GSX2: variants seen among roughly 807,000 people sequenced by gnomAD.
GSX2 encodes the protein genetic-screened homeobox 2.
Under a neutral mutation model 19.2 loss-of-function variants are expected in GSX2, and 16 were observed. The observed-to-expected ratio is 0.84, with a 90% confidence interval of 0.57 to 1.27. GSX2 has a LOEUF of 1.27. Ranked by LOEUF, GSX2 falls within the 50% of genes most tolerant of loss-of-function variation. The pLI, the probability that GSX2 is intolerant of heterozygous loss-of-function variation, is 0.00. For missense variants in GSX2, 448 were observed against 428.4 expected (o/e 1.05, Z -0.40); for synonymous variants, 217 against 196.4 (o/e 1.10, Z -0.88).
chr4:54,101,004 C>G lies in GSX2; in HGVS notation c.574+86C>G. 1 of 1,181,346 alleles carries G rather than the reference C, an allele frequency of 8.5e-7. No individual in the cohort carries two copies. Among genetic ancestry groups the G allele is most frequent in the Middle Eastern group, 2.2e-4 (1 of 4,594 alleles). 73.2% of individuals were successfully genotyped at this position (1,181,346 alleles called of 1,614,324 possible). A position where few individuals can be genotyped will look rare whatever the true frequency, so the allele number is the denominator to read the frequency against. On this transcript the variant is annotated intron_variant, in intron 1 of 1. Coordinates refer to ENST00000326902, the MANE Select transcript of GSX2 (RefSeq NM_133267.3). This position sits in a 1 kb window ranked among gnomAD's most constrained non-coding sequence, Gnocchi z 5.0. ...CCACCTCCAGTGGAGGAAGTGGGAG[C>G]CCGGGGACAGGGTGAAGAGAGAGGA... is the stretch of plus-strand genomic sequence containing the variant.
Position 54,102,206 on chromosome 4 carries a change from T to G in GSX2, c.*284T>G. ...ATAACAGAGGAAAAACAGGGTTGGT[T>G]TAAGTTTAACACTGTATGGGGTTTT... On this transcript the variant is annotated 3_prime_UTR_variant, in exon 2 of 2. Transcript: ENST00000326902. The G allele has an allele frequency of 2.5e-6, 1 of 398,374 alleles. No individual in the cohort carries two copies. The highest frequency in any genetic ancestry group is 4.5e-6 in the Non-Finnish European group (1 of 221,720). The allele number at this position is 398,374 out of a possible 1,614,324, so 24.7% of individuals were successfully genotyped here. A position where few individuals can be genotyped will look rare whatever the true frequency, so the allele number is the denominator to read the frequency against.
chr4:54,100,261 C>A lies in GSX2; in HGVS notation c.-84C>A. 1 of 1,559,426 alleles carries A rather than the reference C, an allele frequency of 6.4e-7. No homozygotes were observed. Among genetic ancestry groups the A allele is most frequent in the Non-Finnish European group, 8.6e-7 (1 of 1,158,272 alleles). On this transcript the variant is annotated 5_prime_UTR_variant, in exon 1 of 2. Coordinates refer to ENST00000326902, the MANE Select transcript of GSX2 (RefSeq NM_133267.3). ...AAGGGCTTGACTGCCCGTGTCTGCG[C>A]GGCTCCCAGGGCAGAGCTTAGAACA... is the stretch of plus-strand genomic sequence containing the variant.
rs1421628717 is a variant in GSX2 at position 54,100,830 on chromosome 4, C to T, written c.486C>T (p.Ala162=). Residue 162 remains alanine, a synonymous_variant, in exon 1 of 2, where the codon GCC becomes GCT. Coordinates refer to ENST00000326902, the MANE Select transcript of GSX2 (RefSeq NM_133267.3). ...CAGCGGCGGCGGCGGCCGCGGCGGC[C>T]TTGGGGCACCCGCAGCACCACGCAC... The part of the protein sequence containing the change: ...AAAAAAAAAA[A]LGHPQHHAPV... 3 of 1,501,638 alleles carry T rather than the reference C, an allele frequency of 2.0e-6. No individual in the cohort carries two copies. The highest frequency in any genetic ancestry group is 2.4e-5 in the Admixed American group (1 of 41,630). 93.0% of individuals were successfully genotyped at this position (1,501,638 alleles called of 1,614,324 possible).
chr4:54,100,413 T>G lies in GSX2; in HGVS notation c.69T>G (p.Pro23=). 1.2e-6 allele frequency: 2 copies of G among 1,614,038 alleles called. No individual in the cohort carries two copies. Among genetic ancestry groups the G allele is most frequent in the Non-Finnish European group, 1.7e-6 (2 of 1,179,958 alleles). The part of the protein sequence containing the change: ...KDTSRPAPSL[P]EPHPGPDFFI... ...CCTCACGGCCTGCGCCCTCGCTGCC[T>G]GAACCGCACCCCGGGCCGGATTTCT... Residue 23 remains proline (P), a synonymous_variant, in exon 1 of 2, where the codon CCT becomes CCG. Coordinates refer to ENST00000326902, the MANE Select transcript of GSX2 (RefSeq NM_133267.3).
rs1410969231 is a variant in GSX2 at position 54,101,829 on chromosome 4, C to A, written c.822C>A (p.Cys274Ter). 6.2e-7 allele frequency: 1 copy of A among 1,614,200 alleles called. No homozygotes were observed. Among genetic ancestry groups the A allele is most frequent in the East Asian group, 2.2e-5 (1 of 44,866 alleles). The change falls in exon 2 of 2, where the codon TGC becomes TGA. Residue 274 changes from cysteine (C) to a stop codon, truncating the protein, a stop_gained. Coordinates refer to ENST00000326902, the MANE Select transcript of GSX2 (RefSeq NM_133267.3). LOFTEE classifies it high-confidence loss of function. The surrounding 1 kb of genome is among the most constrained non-coding windows in gnomAD (Gnocchi z 5.0). Reference sequence around the variant, plus strand: ...GGAACAGTCACGCGGGCTGCAAGTGCGTCGGGAGCCAGGTGCACTACGCGC... The same window carrying A: ...GGAACAGTCACGCGGGCTGCAAGTGAGTCGGGAGCCAGGTGCACTACGCGC... Reference protein sequence around the residue: ...TQRNSHAGCKCVGSQVHYARS... With the variant: ...TQRNSHAGCK
At position 54,101,596 on chromosome 4, in the gene GSX2, A is replaced by T; in HGVS notation, c.589A>T (p.Ser197Cys). ...HCLTMGGSDA[S>C]QVPNGKRMRT... is the part of the protein sequence containing the mutation. ...CCGGTCCGCAGGAGGCTCTGACGCC[A>T]GCCAGGTACCCAATGGCAAGAGGAT... Residue 197 changes from serine to cysteine, a missense_variant, in exon 2 of 2, where the codon AGC (serine) becomes TGC (cysteine). Transcript: ENST00000326902. The surrounding 1 kb of genome is among the most constrained non-coding windows in gnomAD (Gnocchi z 5.0). 2 of 1,612,296 alleles carry T rather than the reference A, an allele frequency of 1.2e-6. No individual in the cohort carries two copies. The highest frequency in any genetic ancestry group is 1.1e-5 in the South Asian group (1 of 90,878).
chr4:54,100,786 G>T lies in GSX2; in HGVS notation c.442G>T (p.Ala148Ser), dbSNP rs1406767877. The change falls in exon 1 of 2, where the codon GCG becomes TCG. Residue 148 changes from alanine (A) to serine (S), a missense_variant. Transcript: ENST00000326902. ...HHQPQQPGSAAAAAAAAAAAA... is the reference protein window; with the variant it reads ...HHQPQQPGSASAAAAAAAAAA... ...TCAGCCCCAGCAGCCTGGCTCGGCC[G>T]CGGCGGCGGCAGCAGCAGCAGCGGC... 6.9e-7 allele frequency: 1 copy of T among 1,451,944 alleles called. No homozygotes were observed. 89.9% of individuals were successfully genotyped at this position (1,451,944 alleles called of 1,614,324 possible). A position where few individuals can be genotyped will look rare whatever the true frequency, so the allele number is the denominator to read the frequency against.
In GSX2 at chr4:54,100,289, AGAG is replaced by A; in HGVS notation, c.-52_-50del. The A allele has an allele frequency of 1.3e-6, 2 of 1,598,616 alleles. No individual in the cohort carries two copies. Among genetic ancestry groups the A allele is most frequent in the Non-Finnish European group, 1.7e-6 (2 of 1,176,034 alleles). On this transcript the variant is annotated 5_prime_UTR_variant, in exon 1 of 2. Transcript: ENST00000326902. ...CTCCCAGGGCAGAGCTTAGAACACT[AGAG>A]GAGAGGGGTCGCCGCGAACTGCCGG...
rs1718172305 is a variant in GSX2 at position 54,101,409 on chromosome 4, G to T, written c.575-173G>T. On this transcript the variant is annotated intron_variant, in intron 1 of 1. Coordinates refer to ENST00000326902, the MANE Select transcript of GSX2 (RefSeq NM_133267.3). The surrounding 1 kb of genome is among the most constrained non-coding windows in gnomAD (Gnocchi z 5.0). ...CGCATCGAAGACCTTTATTTGCTTT[G>T]CACGTCTCTTTTCTTCCCCGCTAAG... Among the ~76,000 whole-genome samples the T allele has an allele frequency of 6.6e-6, 1 of 152,144 alleles. No homozygotes were observed.
chr4:54,100,690 G>A lies in GSX2; in HGVS notation c.346G>A (p.Ala116Thr), dbSNP rs1410064957. Reference sequence around the variant, plus strand: ...CCAGTTCTCTTCGGCTCCTGGGGACGCGCAGTTTTGCCCGCGGGTGAACCA... The same window carrying A: ...CCAGTTCTCTTCGGCTCCTGGGGACACGCAGTTTTGCCCGCGGGTGAACCA... ...KGQFSSAPGD[A>T]QFCPRVNHAH... Residue 116 changes from alanine (A) to threonine (T), a missense_variant, in exon 1 of 2, where the codon GCG becomes ACG. Physicochemically the swap from Ala to Thr is moderately conservative, Grantham distance 58. Transcript: ENST00000326902. 1.3e-6 allele frequency: 2 copies of A among 1,548,998 alleles called. No homozygotes were observed. Among genetic ancestry groups the A allele is most frequent in the Admixed American group, 3.9e-5 (2 of 50,792 alleles).
rs1718165173 is a variant in GSX2, at chr4:54,101,072, C to T, written c.574+154C>T. On this transcript the variant is annotated intron_variant, in intron 1 of 1. Transcript: ENST00000326902. The surrounding 1 kb of genome is among the most constrained non-coding windows in gnomAD (Gnocchi z 5.0). ...CGTAGAGTCAGCCACAGAAGTTCCACGAAAGTGGAAGTTAGTTTGCCAGCT... is the reference window on the plus strand; with the variant it reads ...CGTAGAGTCAGCCACAGAAGTTCCATGAAAGTGGAAGTTAGTTTGCCAGCT... Among the ~76,000 whole-genome samples, 1 of 152,222 alleles carries T rather than the reference C, an allele frequency of 6.6e-6. No individual in the cohort carries two copies. Among genetic ancestry groups the T allele is most frequent in the Non-Finnish European group, 1.5e-5 (1 of 68,044 alleles).
Position 54,101,000 on chromosome 4 carries a change from G to A in GSX2, c.574+82G>A. On this transcript the variant is annotated intron_variant, in intron 1 of 1. Transcript: ENST00000326902. ...CTTTCCACCTCCAGTGGAGGAAGTG[G>A]GAGCCCGGGGACAGGGTGAAGAGAG... 5 of 1,200,934 alleles carry A rather than the reference G, an allele frequency of 4.2e-6. No homozygotes were observed. The South Asian group carries it at 7.3e-5, about 17-fold the overall frequency. The allele number at this position is 1,200,934 out of a possible 1,614,324, so 74.4% of individuals were successfully genotyped here.
chr4:54,100,704 G>A lies in GSX2; in HGVS notation c.360G>A (p.Pro120=). Residue 120 remains proline (P), a synonymous_variant, in exon 1 of 2, where the codon CCG becomes CCA. Transcript: ENST00000326902. ...SSAPGDAQFC[P]RVNHAHHHHH... is the part of the protein sequence containing the mutation. Reference sequence around the variant, plus strand: ...CTCCTGGGGACGCGCAGTTTTGCCCGCGGGTGAACCATGCGCATCATCACC... The same window carrying A: ...CTCCTGGGGACGCGCAGTTTTGCCCACGGGTGAACCATGCGCATCATCACC... 2 of 1,549,056 alleles carry A rather than the reference G, an allele frequency of 1.3e-6. No individual in the cohort carries two copies. Among genetic ancestry groups the A allele is most frequent in the Non-Finnish European group, 1.7e-6 (2 of 1,146,258 alleles).
In GSX2 at chr4:54,100,181, C is replaced by A; in HGVS notation, c.-164C>A. On this transcript the variant is annotated 5_prime_UTR_variant, in exon 1 of 2. Coordinates refer to ENST00000326902, the MANE Select transcript of GSX2 (RefSeq NM_133267.3). Reference sequence around the variant, plus strand: ...GCCGGGCGGGGGACGTGAGGACCAGCCCTCTCCGGGGACCCCTTTGTTCCC... The same window carrying A: ...GCCGGGCGGGGGACGTGAGGACCAGACCTCTCCGGGGACCCCTTTGTTCCC... The A allele has an allele frequency of 1.0e-6, 1 of 988,084 alleles. No homozygotes were observed. Among genetic ancestry groups the A allele is most frequent in the Non-Finnish European group, 1.5e-6 (1 of 686,532 alleles). 61.2% of individuals were successfully genotyped at this position (988,084 alleles called of 1,614,324 possible). A position where few individuals can be genotyped will look rare whatever the true frequency, so the allele number is the denominator to read the frequency against.
chr4:54,101,034 CTT>C lies in GSX2; in HGVS notation c.574+119_574+120del. On this transcript the variant is annotated intron_variant, in intron 1 of 1. Coordinates refer to ENST00000326902, the MANE Select transcript of GSX2 (RefSeq NM_133267.3). This position sits in a 1 kb window ranked among gnomAD's most constrained non-coding sequence, Gnocchi z 5.0. ...GGACAGGGTGAAGAGAGAGGACGGGCTTTTAGTGTAACCGTAGAGTCAGCCAC... is the reference window on the plus strand; with the variant it reads ...GGACAGGGTGAAGAGAGAGGACGGGCTTAGTGTAACCGTAGAGTCAGCCAC... The C allele has an allele frequency of 1.1e-6, 1 of 895,788 alleles. No homozygotes were observed. Among genetic ancestry groups the C allele is most frequent in the Non-Finnish European group, 1.6e-6 (1 of 624,542 alleles). 55.5% of individuals were successfully genotyped at this position (895,788 alleles called of 1,614,324 possible). A position where few individuals can be genotyped will look rare whatever the true frequency, so the allele number is the denominator to read the frequency against.
In GSX2 at chr4:54,101,832, C is replaced by G. The variant is rs775274640; in HGVS notation, c.825C>G (p.Val275=). 3.1e-6 allele frequency: 5 copies of G among 1,614,048 alleles called. No individual in the cohort carries two copies. The highest frequency in any genetic ancestry group is 3.3e-5 in the Admixed American group (2 of 60,000). The part of the protein sequence containing the change: ...QRNSHAGCKC[V]GSQVHYARSE... ...ACAGTCACGCGGGCTGCAAGTGCGT[C>G]GGGAGCCAGGTGCACTACGCGCGCT... Residue 275 remains valine (V), a synonymous_variant, in exon 2 of 2, where the codon GTC becomes GTG. Transcript: ENST00000326902. This position sits in a 1 kb window ranked among gnomAD's most constrained non-coding sequence, Gnocchi z 5.0.
rs773798528 is a variant in GSX2 at position 54,100,787 on chromosome 4, C to T, written c.443C>T (p.Ala148Val). Reference sequence around the variant, plus strand: ...CAGCCCCAGCAGCCTGGCTCGGCCGCGGCGGCGGCAGCAGCAGCAGCGGCG... The same window carrying T: ...CAGCCCCAGCAGCCTGGCTCGGCCGTGGCGGCGGCAGCAGCAGCAGCGGCG... ...HHQPQQPGSA[A>V]AAAAAAAAAA... The change falls in exon 1 of 2, where the codon GCG becomes GTG. Residue 148 changes from alanine (A) to valine (V), a missense_variant. Coordinates refer to ENST00000326902, the MANE Select transcript of GSX2 (RefSeq NM_133267.3). The T allele has an allele frequency of 5.9e-5, 86 of 1,451,680 alleles. No individual in the cohort carries two copies. Among genetic ancestry groups the T allele is most frequent in the Non-Finnish European group, 7.2e-5 (79 of 1,104,872 alleles). 89.9% of individuals were successfully genotyped at this position (1,451,680 alleles called of 1,614,324 possible). A position where few individuals can be genotyped will look rare whatever the true frequency, so the allele number is the denominator to read the frequency against.
chr4:54,101,191 C>A lies in GSX2; in HGVS notation c.574+273C>A, dbSNP rs2278141. On this transcript the variant is annotated intron_variant, in intron 1 of 1. Coordinates refer to ENST00000326902, the MANE Select transcript of GSX2 (RefSeq NM_133267.3). This position sits in a 1 kb window ranked among gnomAD's most constrained non-coding sequence, Gnocchi z 5.0. ...GCCTTAGGGACCTCGAACGTCACGG[C>A]GGATAAACCAGAGGTTAACTGCTTG... 0.55 allele frequency among the ~76,000 whole-genome samples: 84,340 copies of A among 152,116 alleles called. 25,011 individuals carry two copies. The highest frequency in any genetic ancestry group is 0.83 in the East Asian group (4,278 of 5,142).
Position 54,101,812 on chromosome 4 carries a change from C to A in GSX2, c.805C>A (p.His269Asn). The change falls in exon 2 of 2, where the codon CAC becomes AAC. Residue 269 changes from histidine (H) to asparagine (N), a missense_variant. Physicochemically the swap from His to Asn is moderately conservative, Grantham distance 68. Transcript: ENST00000326902. The surrounding 1 kb of genome is among the most constrained non-coding windows in gnomAD (Gnocchi z 5.0). ...GGGGAAGGGCACGCAGAGGAACAGT[C>A]ACGCGGGCTGCAAGTGCGTCGGGAG... ...KEGKGTQRNS[H>N]AGCKCVGSQV... is the part of the protein sequence containing the mutation. The A allele has an allele frequency of 6.2e-7, 1 of 1,614,220 alleles. No individual in the cohort carries two copies. Among genetic ancestry groups the A allele is most frequent in the South Asian group, 1.1e-5 (1 of 91,090 alleles).
Sources: gnomAD v4.1 joint callset for allele counts (sites outside exome capture counted in the v4.1 genomes callset) on GRCh38, gnomAD v4.1.1 for gene constraint, Gnocchi (gnomAD v3.1) non-coding constraint, MANE v1.5 for transcripts, NCBI Gene and HGNC (gene_info 2026-07-23, HGNC 2026-07-21) for gene names.